PTPRO: variants seen among roughly 807,000 people sequenced by gnomAD.
PTPRO encodes protein tyrosine phosphatase receptor type O, also known as receptor-type tyrosine-protein phosphatase O.
Under a neutral mutation model 145.2 loss-of-function variants are expected in PTPRO, and 62 were observed. That is an observed-to-expected ratio of 0.43 (90% CI 0.35 to 0.53). The LOEUF is 0.53. Ranked by LOEUF, PTPRO falls within the 20% of genes least tolerant of loss-of-function variation. The pLI, the probability that PTPRO is intolerant of heterozygous loss-of-function variation, is 0.01. For missense variants in PTPRO, 1,345 were observed against 1,482.7 expected (o/e 0.91, Z 1.53); for synonymous variants, 565 against 514.7 (o/e 1.10, Z -1.32).
chr12:15,569,472 G>A lies in PTPRO; in HGVS notation c.2803G>A (p.Asp935Asn). The A allele has an allele frequency of 1.2e-6, 2 of 1,613,638 alleles. No individual in the cohort carries two copies. The highest frequency in any genetic ancestry group is 1.7e-6 in the Non-Finnish European group (2 of 1,179,670). The change falls in exon 19 of 27, where the codon GAC becomes AAC. Residue 935 changes from aspartate to asparagine, a missense_variant. Asp to Asn is a conservative substitution (Grantham distance 23, BLOSUM62 1). This residue lies in a region of PTPRO where 1,130 missense variants were observed against 1,214.7 expected (regional missense o/e 0.93). Coordinates refer to ENST00000281171, the MANE Select transcript of PTPRO (RefSeq NM_030667.3). ...TATTAAGGATATGGCCAAAGACTCT[G>A]ACTATAAATTTTCTCTTCAGTTTGA... ...AYIKDMAKDS[D>N]YKFSLQFEEL...
chr12:15,431,492 A>G (rs1035810166), intron 1 of PTPRO, among the ~76,000 whole-genome samples: 1 of 152,240 alleles, frequency 6.6e-6, no homozygotes, highest in African/African-American at 2.4e-5. Flanking sequence ...CTCCTTCTGT[A>G]ATTAAAACAT....
At chr12:15,392,355 A>G (rs1028595176) in intron 1 of PTPRO, among the ~76,000 whole-genome samples, 1 of 152,192 alleles carries the variant, frequency 6.6e-6, no homozygotes, top group African/African-American at 2.4e-5. Context: ...TTCTTGAAGA[A>G]TGGTGTTACA....
chr12:15,376,864 T>C (rs1469344208), intron 1 of PTPRO, among the ~76,000 whole-genome samples: 1 of 152,182 alleles, frequency 6.6e-6, no homozygotes, highest in Admixed American at 6.5e-5. Context: ...TTGGGGGTAT[T>C]TCAATATATA....
chr12:15,531,091 T>C (rs1172840161), intron 12 of PTPRO, among the ~76,000 whole-genome samples: 4 of 152,094 alleles, frequency 2.6e-5, no homozygotes, highest in Non-Finnish European at 5.9e-5. Flanking sequence ...TGAACAGCTA[T>C]AAACCAACAA....
intron 2 of PTPRO, among the ~76,000 whole-genome samples, chr12:15,492,759 A>T (rs1025123055): frequency 1.3e-5 from 2 of 152,184 alleles, no homozygotes; most frequent in Non-Finnish European, 2.9e-5. Flanking sequence ...GAGCTAGTAA[A>T]TTGGAAGATA....
chr12:15,513,648 T>A (rs1942514732), intron 7 of PTPRO, among the ~76,000 whole-genome samples: 1 of 152,162 alleles, frequency 6.6e-6, no homozygotes, highest in Non-Finnish European at 1.5e-5. Flanking sequence ...TTAATGGGAC[T>A]CTAAAAAACA....
chr12:15,336,509 G>A (rs1396663637), intron 1 of PTPRO, among the ~76,000 whole-genome samples: 1 of 152,122 alleles, frequency 6.6e-6, no homozygotes, highest in Non-Finnish European at 1.5e-5. Context: ...TGTAACTACT[G>A]AAGAATTACA....
chr12:15,526,348 A>G (rs1345957994), intron 12 of PTPRO, 86 bp downstream of exon 12: 6 of 1,555,072 alleles, frequency 3.9e-6, no homozygotes, highest in Non-Finnish European at 5.3e-6. Context: ...ATTCAATGAA[A>G]TAATAACAGA....
rs1942184562 is a variant in PTPRO at position 15,499,954 on chromosome 12, T to G, written c.661+360T>G. 2.6e-5 allele frequency among the ~76,000 whole-genome samples: 4 copies of G among 152,260 alleles called. No homozygotes were observed. In the East Asian group the frequency reaches 7.7e-4, roughly 29 times the overall value. ...GACATTCTAGTACAGATTATCAGAT[T>G]ATTAAAGGAAAATATTGAAATTCAA... On this transcript the variant is annotated intron_variant, in intron 4 of 26. Transcript: ENST00000281171.
At chr12:15,497,193 C>A (rs764129374) in intron 2 of PTPRO, 52 bp from the exon 3 acceptor site, 1 of 1,469,520 alleles carries the variant, frequency 6.8e-7, no homozygotes, top group Non-Finnish European at 9.5e-7. Flanking sequence ...TTGATATCGG[C>A]CTTTCTCTCT....
chr12:15,356,932 T>C (rs1324226824), intron 1 of PTPRO, among the ~76,000 whole-genome samples: 2 of 152,142 alleles, frequency 1.3e-5, no homozygotes, highest in Admixed American at 1.3e-4. Context: ...TCACGGTCAA[T>C]GCTGTAGATA....
chr12:15,556,510 A>G (rs1341088807), intron 15 of PTPRO, among the ~76,000 whole-genome samples: 2 of 148,292 alleles, frequency 1.3e-5, no homozygotes, highest in Non-Finnish European at 3.0e-5. Context: ...TACTTCTGGA[A>G]AAAAAAAAAA....
intron 24 of PTPRO, 27 bp downstream of exon 24, chr12:15,587,078 T>C: frequency 6.2e-7 from 1 of 1,613,498 alleles, no homozygotes. Flanking sequence ...CATTTTCTAT[T>C]AAATATTAGG....
chr12:15,479,778 G>A, intron 1 of PTPRO, among the ~76,000 whole-genome samples: 1 of 152,174 alleles, frequency 6.6e-6, no homozygotes, highest in Non-Finnish European at 1.5e-5. Flanking sequence ...GAGGCAGGGA[G>A]GTAGGGCACA....
At chr12:15,374,395 G>T (rs1298146815) in intron 1 of PTPRO, among the ~76,000 whole-genome samples, 1 of 146,662 alleles carries the variant, frequency 6.8e-6, no homozygotes, top group Non-Finnish European at 1.5e-5. Context: ...AACAATTTGA[G>T]GAGTGTTTTA....
intron 4 of PTPRO, 150 bp from the exon 5 acceptor site, chr12:15,501,470 C>T (rs1327834469): frequency 1.1e-5 from 8 of 744,070 alleles, no homozygotes; most frequent in Non-Finnish European, 1.8e-5. Context: ...AAAAACACAG[C>T]TTATCTTGAT....
At chr12:15,443,541 T>A (rs1940825401) in intron 1 of PTPRO, among the ~76,000 whole-genome samples, 1 of 152,030 alleles carries the variant, frequency 6.6e-6, no homozygotes, top group Non-Finnish European at 1.5e-5. Context: ...CGAAAGAAAC[T>A]ATCAACAGAG....
chr12:15,344,045 C>A (rs7957565), intron 1 of PTPRO, among the ~76,000 whole-genome samples: 10,685 of 152,136 alleles, frequency 0.07, 1,249 homozygotes, highest in African/African-American at 0.24. Context: ...CTACGTTGAA[C>A]GAGAGTTTTA....
chr12:15,507,304 TC>T (rs1200334503), intron 6 of PTPRO, among the ~76,000 whole-genome samples: 2 of 151,780 alleles, frequency 1.3e-5, no homozygotes, highest in Non-Finnish European at 2.9e-5. Context: ...TCCCAGCTAC[TC>T]GGGAGGCTGA....
Sources: allele counts gnomAD v4.1 joint callset (sites outside exome capture counted in the v4.1 genomes callset), GRCh38; gene constraint gnomAD v4.1.1; regional missense constraint gnomAD v4.1.1; transcripts MANE v1.5; gene names NCBI Gene and HGNC (gene_info 2026-07-23, HGNC 2026-07-21).